Variants in NOX4 observed in about 807,000 individuals in gnomAD.
NOX4 encodes kidney oxidase-1.
Under a neutral mutation model 87.6 loss-of-function variants are expected in NOX4, and 69 were observed. That is an observed-to-expected ratio of 0.79 (90% confidence interval 0.65 to 0.96). The LOEUF (loss-of-function observed/expected upper bound fraction) is 0.96, where lower values mean the gene tolerates loss of function less well. Among genes scored for constraint, NOX4 ranks in the 40% least tolerant of loss-of-function variants. The pLI is 0.00. For missense variants in NOX4, 680 were observed against 681.5 expected (o/e 1.00, Z 0.02); for synonymous variants, 275 against 238.2 (o/e 1.15, Z -1.42).
chr11:89,377,294 A>G (rs1251290404), intron 11 of NOX4, among the ~76,000 whole-genome samples: 4 of 152,202 alleles, frequency 2.6e-5, no homozygotes, highest in Non-Finnish European at 4.4e-5. Flanking sequence ...TTTAACTGTA[A>G]ACATGAAAAT....
Position 89,438,509 on chromosome 11 carries a change from T to A in NOX4, c.475+2179A>T, listed in dbSNP as rs1361913995. ...ACTATATAATATACAGCATATATAT[T>A]ATATACTATATATACTATATATTAC... is the stretch of plus-strand genomic sequence containing the variant. On this transcript the variant is annotated intron_variant, in intron 6 of 17. Coordinates refer to ENST00000263317, the MANE Select transcript of NOX4 (RefSeq NM_016931.5). Among the ~76,000 whole-genome samples the A allele has an allele frequency of 6.3e-3, 545 of 85,920 alleles. 29 individuals carry two copies. The highest frequency in any genetic ancestry group is 0.031 in the African/African-American group (509 of 16,558). The allele number at this position is 85,920 out of a possible 152,430, so 56.4% of individuals were successfully genotyped here.
chr11:89,561,207 G>A, the NOX4 span, among the ~76,000 whole-genome samples: 1 of 150,076 alleles, frequency 6.7e-6, no homozygotes, highest in Admixed American at 6.7e-5. Context: ...ATTCCATAAA[G>A]GATTACAATA....
chr11:89,587,020 G>T, the NOX4 span, among the ~76,000 whole-genome samples: 2 of 152,118 alleles, frequency 1.3e-5, no homozygotes, highest in Non-Finnish European at 2.9e-5. Context: ...TTATGTCCTA[G>T]TGTACATATT....
intron 17 of NOX4, among the ~76,000 whole-genome samples, chr11:89,331,940 G>C (rs1474035001): frequency 6.6e-6 from 1 of 150,818 alleles, no homozygotes; most frequent in Non-Finnish European, 1.5e-5. Context: ...ATTCTACAAG[G>C]AATCTTTGCA....
At chr11:89,584,096 C>G in the NOX4 span, among the ~76,000 whole-genome samples, 1 of 152,054 alleles carries the variant, frequency 6.6e-6, no homozygotes, top group Non-Finnish European at 1.5e-5. Context: ...TAGTGAATTC[C>G]TACTCATTCT....
At chr11:89,364,720 C>T (rs1411740701) in intron 12 of NOX4, among the ~76,000 whole-genome samples, 1 of 152,008 alleles carries the variant, frequency 6.6e-6, no homozygotes, top group Admixed American at 6.6e-5. Flanking sequence ...CTGAACTATA[C>T]CAAAATTTAT....
intron 11 of NOX4, among the ~76,000 whole-genome samples, chr11:89,397,490 G>A (rs1246923024): frequency 6.6e-6 from 1 of 152,092 alleles, no homozygotes; most frequent in Non-Finnish European, 1.5e-5. Flanking sequence ...GAAGCAGAGA[G>A]AGACACAAAA....
intron 8 of NOX4, among the ~76,000 whole-genome samples, chr11:89,405,367 G>T (rs1942110423): frequency 6.6e-6 from 1 of 151,878 alleles, no homozygotes; most frequent in Admixed American, 6.6e-5. Context: ...ATTATGTTCA[G>T]CTACACTCAA....
At chr11:89,530,113 TTA>T in the NOX4 span, among the ~76,000 whole-genome samples, 1 of 151,990 alleles carries the variant, frequency 6.6e-6, no homozygotes, top group Non-Finnish European at 1.5e-5. Flanking sequence ...AGATCTGCGT[TTA>T]TGTTAAATTG....
In NOX4 at chr11:89,428,324, A is replaced by C. The variant is rs192217004; in HGVS notation, c.548+4460T>G. On this transcript the variant is annotated intron_variant, in intron 7 of 17. Transcript: ENST00000263317. The stretch of plus-strand genomic sequence containing the variant: ...AACTGCATCAACTAATGAGCAAAAT[A>C]ACCAGCTAACATCATAATGACAGGA... Among the ~76,000 whole-genome samples, 463 of 152,348 alleles carry C rather than the reference A, an allele frequency of 3.0e-3. 4 individuals are homozygous for C. The highest frequency in any genetic ancestry group is 0.011 in the African/African-American group (448 of 41,582).
At chr11:89,537,608 C>G in the NOX4 span, among the ~76,000 whole-genome samples, 1 of 151,938 alleles carries the variant, frequency 6.6e-6, no homozygotes, top group Admixed American at 6.6e-5. Flanking sequence ...AGCATAGACA[C>G]TCAGGGCCCC....
intron 11 of NOX4, among the ~76,000 whole-genome samples, chr11:89,383,502 C>A (rs1015449384): frequency 6.6e-6 from 1 of 152,066 alleles, no homozygotes; most frequent in Non-Finnish European, 1.5e-5. Context: ...CCATCACAGA[C>A]ACTTTGGGTA....
At chr11:89,498,847 C>T (rs1316295341), upstream of NOX4, 1 of 152,336 alleles carries the variant, frequency 6.6e-6, no homozygotes, top group Non-Finnish European at 1.5e-5. Flanking sequence ...TCACTTGCCT[C>T]TTGCAAAGCA....
chr11:89,564,070 A>G, the NOX4 span, among the ~76,000 whole-genome samples: 12 of 152,310 alleles, frequency 7.9e-5, no homozygotes, highest in East Asian at 2.1e-3. Context: ...TTGGGGAGGA[A>G]CACATTTGAA....
intron 5 of NOX4, among the ~76,000 whole-genome samples, chr11:89,442,035 T>C (rs529083887): frequency 3.8e-4 from 56 of 148,456 alleles, no homozygotes; most frequent in Admixed American, 2.8e-3. Flanking sequence ...GCCATATATT[T>C]ATTTACATAA....
the NOX4 span, among the ~76,000 whole-genome samples, chr11:89,565,476 T>A: frequency 6.6e-6 from 1 of 152,070 alleles, no homozygotes; most frequent in Admixed American, 6.6e-5. Flanking sequence ...ACCTTATAAC[T>A]TTTTTCCTCT....
the NOX4 span, among the ~76,000 whole-genome samples, chr11:89,537,618 C>T: frequency 6.6e-6 from 1 of 151,916 alleles, no homozygotes; most frequent in South Asian, 2.1e-4. Context: ...CTCAGGGCCC[C>T]CCCGAGGCTA....
At chr11:89,426,081 G>C (rs1943385485) in intron 7 of NOX4, among the ~76,000 whole-genome samples, 1 of 152,050 alleles carries the variant, frequency 6.6e-6, no homozygotes. Flanking sequence ...ATCTGATTTT[G>C]CTCAAAATCT....
the NOX4 span, among the ~76,000 whole-genome samples, chr11:89,551,431 T>C: frequency 6.6e-6 from 1 of 152,220 alleles, no homozygotes; most frequent in African/African-American, 2.4e-5. Context: ...TTCCTATCCA[T>C]GAGCATGAAA....
Sources: allele counts gnomAD v4.1 joint callset (sites outside exome capture counted in the v4.1 genomes callset), GRCh38; gene constraint gnomAD v4.1.1; transcripts MANE v1.5; gene names NCBI Gene and HGNC (gene_info 2026-07-23, HGNC 2026-07-21).